CYRIA: variants seen among roughly 807,000 people sequenced by gnomAD.
The protein encoded by CYRIA is CYFIP related Rac1 interactor A, also known as CYFIP-related Rac1 interactor A.
CYRIA carries 15 observed loss-of-function variants against 43.9 expected under a neutral mutation model. That is an observed-to-expected ratio of 0.34 (90% CI 0.23 to 0.53). CYRIA has a LOEUF of 0.53. CYRIA is among the 20% of genes least tolerant of loss of function. CYRIA has a pLI of 0.94. For missense variants in CYRIA, 236 were observed against 394.2 expected (o/e 0.60, Z 3.40); for synonymous variants, 117 against 136.0 (o/e 0.86, Z 0.97).
chr2:16,642,143 T>A (rs1669695455), intron 1 of CYRIA, among the ~76,000 whole-genome samples: 1 of 152,154 alleles, frequency 6.6e-6, no homozygotes, highest in South Asian at 2.1e-4. Context: ...AAATATCATC[T>A]CTATTTTGAT....
At chr2:16,632,926 T>C (rs6757229) in intron 1 of CYRIA, among the ~76,000 whole-genome samples, 30,821 of 151,946 alleles carry the variant, frequency 0.2, 5,251 homozygotes, top group East Asian at 0.61. Context: ...GATTCTGCCT[T>C]CCCCAATAGC....
intron 10 of CYRIA, among the ~76,000 whole-genome samples, chr2:16,559,164 C>T (rs1319725544): frequency 6.6e-6 from 1 of 152,164 alleles, no homozygotes; most frequent in African/African-American, 2.4e-5. Flanking sequence ...GTACAGCACA[C>T]TGGGTAAATG....
intron 1 of CYRIA, among the ~76,000 whole-genome samples, chr2:16,628,788 C>T (rs1669238262): frequency 6.6e-6 from 1 of 152,206 alleles, no homozygotes; most frequent in Admixed American, 6.5e-5. Flanking sequence ...TGCCTTGCTT[C>T]CCAATCCACA....
At chr2:16,639,536 C>A (rs1669609815) in intron 1 of CYRIA, among the ~76,000 whole-genome samples, 3 of 152,240 alleles carry the variant, frequency 2.0e-5, no homozygotes, top group Non-Finnish European at 2.9e-5. Context: ...TAAGTACCTG[C>A]AGTGTGGGGC....
At chr2:16,619,274 T>TACACATATATACATAC in intron 2 of CYRIA, among the ~76,000 whole-genome samples, 1 of 152,262 alleles carries the variant, frequency 6.6e-6, no homozygotes, top group South Asian at 2.1e-4. Flanking sequence ...CTACATAATG[T>TACACATATATACATAC]ACACATATAT....
intron 3 of CYRIA, among the ~76,000 whole-genome samples, chr2:16,573,820 T>C (rs753331937): frequency 3.9e-5 from 6 of 152,230 alleles, no homozygotes; most frequent in Non-Finnish European, 8.8e-5. Flanking sequence ...TGTAAGTCCA[T>C]TAAACCTCTT....
chr2:16,572,678 TAAG>T (rs1667178402), intron 3 of CYRIA, among the ~76,000 whole-genome samples: 1 of 152,224 alleles, frequency 6.6e-6, no homozygotes, highest in African/African-American at 2.4e-5. Flanking sequence ...AGAGTATTTT[TAAG>T]AGTACAATGA....
At chr2:16,664,275 G>A (rs1670336636) in intron 1 of CYRIA, among the ~76,000 whole-genome samples, 1 of 152,072 alleles carries the variant, frequency 6.6e-6, no homozygotes, top group African/African-American at 2.4e-5. Context: ...GGAACCCAGG[G>A]CCAGCAGGAG....
At chr2:16,627,107 C>T (rs909160444) in intron 1 of CYRIA, among the ~76,000 whole-genome samples, 1 of 152,192 alleles carries the variant, frequency 6.6e-6, no homozygotes, top group Non-Finnish European at 1.5e-5. Context: ...CTGTCCCACC[C>T]CACCCCATTC....
rs1240494756 is a variant in CYRIA, at chr2:16,550,653, C to G, written c.*2283G>C. On this transcript the variant is annotated 3_prime_UTR_variant, in exon 12 of 12. Transcript: ENST00000381323. ...AATGTGCTCATCTATTTACTCTGAG[C>G]TCAATCTAATTTGACAGGTAATTCC... The G allele has an allele frequency of 6.6e-6, 1 of 152,122 alleles. No homozygotes were observed. The highest frequency in any genetic ancestry group is 1.5e-5 in the Non-Finnish European group (1 of 68,018). 9.4% of individuals were successfully genotyped at this position (152,122 alleles called of 1,614,324 possible).
intron 3 of CYRIA, among the ~76,000 whole-genome samples, chr2:16,573,427 A>T (rs1667212198): frequency 6.6e-6 from 1 of 152,206 alleles, no homozygotes; most frequent in South Asian, 2.1e-4. Flanking sequence ...TACATTTCCA[A>T]AGTAGTACCC....
chr2:16,574,677 C>T (rs1056508512), intron 3 of CYRIA, among the ~76,000 whole-genome samples: 3 of 152,144 alleles, frequency 2.0e-5, no homozygotes, highest in African/African-American at 7.2e-5. Context: ...GGTGCAAGTC[C>T]CAAGCCATGG....
At chr2:16,647,875 C>T (rs1558441635) in intron 1 of CYRIA, among the ~76,000 whole-genome samples, 1 of 152,142 alleles carries the variant, frequency 6.6e-6, no homozygotes, top group Non-Finnish European at 1.5e-5. Context: ...CTGTGAATGG[C>T]CTTTGTGCTT....
At chr2:16,605,142 C>T (rs13026539) in intron 2 of CYRIA, among the ~76,000 whole-genome samples, 27 of 151,544 alleles carry the variant, frequency 1.8e-4, no homozygotes, top group African/African-American at 2.4e-4. Context: ...AAAAAAACCA[C>T]GAAACCATTA....
chr2:16,623,702 C>T (rs1250907619), intron 2 of CYRIA, among the ~76,000 whole-genome samples, 162 bp downstream of exon 2: 1 of 152,194 alleles, frequency 6.6e-6, no homozygotes, highest in Non-Finnish European at 1.5e-5. Flanking sequence ...CAAGATAGCA[C>T]AGATCCCACT....
At chr2:16,559,797 T>C (rs1002259104) in intron 9 of CYRIA, among the ~76,000 whole-genome samples, 5 of 152,134 alleles carry the variant, frequency 3.3e-5, no homozygotes, top group African/African-American at 1.2e-4. Context: ...ATGAAGTAAA[T>C]TAAAGGGCAG....
At chr2:16,560,578 G>GAGAGAA (rs1361823827) in intron 9 of CYRIA, 1 of 187,460 alleles carries the variant, frequency 5.3e-6, no homozygotes, top group African/African-American at 2.3e-5. Flanking sequence ...GACAGAGAGA[G>GAGAGAA]AGAGAAAGAG....
At chr2:16,559,730 G>A in intron 9 of CYRIA, 144 bp from the exon 10 acceptor site, 1 of 842,708 alleles carries the variant, frequency 1.2e-6, no homozygotes, top group South Asian at 2.2e-5. Flanking sequence ...ATGCTTCTGA[G>A]GAAATCCATG....
rs77611418 is a variant in CYRIA, at chr2:16,576,475, G to A, written c.71-10708C>T. 3.2e-3 allele frequency among the ~76,000 whole-genome samples: 480 copies of A among 152,246 alleles called. 8 individuals are homozygous for A. Among genetic ancestry groups the A allele is most frequent in the South Asian group, 0.02 (94 of 4,820 alleles). ...GGAAGATGTAAAATATGGCATCGTC[G>A]AAGCTATTATTTCACCCTGTCTTGG... On this transcript the variant is annotated intron_variant, in intron 3 of 11. Coordinates refer to ENST00000381323, the MANE Select transcript of CYRIA (RefSeq NM_030797.4).
Sources: allele counts gnomAD v4.1 joint callset (sites outside exome capture counted in the v4.1 genomes callset), GRCh38; gene constraint gnomAD v4.1.1; transcripts MANE v1.5; gene names NCBI Gene and HGNC (gene_info 2026-07-23, HGNC 2026-07-21).